The following FAM135A variants were observed in gnomAD, a reference collection of about 807,000 sequenced individuals.
FAM135A encodes family with sequence similarity 135 member A.
Under a neutral mutation model 146.8 loss-of-function variants are expected in FAM135A, and 79 were observed. That is an observed-to-expected ratio of 0.54 (90% CI 0.45 to 0.65). The LOEUF (loss-of-function observed/expected upper bound fraction) is 0.65, where lower values mean the gene tolerates loss of function less well. Ranked by LOEUF, FAM135A falls within the 30% of genes least tolerant of loss-of-function variation. The pLI, the probability that FAM135A is intolerant of heterozygous loss-of-function variation, is 0.00. For missense variants in FAM135A, 1,623 were observed against 1,758.2 expected (o/e 0.92, Z 1.38); for synonymous variants, 562 against 603.6 (o/e 0.93, Z 1.01).
In FAM135A at chr6:70,452,585, T is replaced by C; in HGVS notation, c.157+14T>C. 1 of 1,542,582 alleles carries C rather than the reference T, an allele frequency of 6.5e-7. No individual in the cohort carries two copies. The highest frequency in any genetic ancestry group is 8.7e-7 in the Non-Finnish European group (1 of 1,152,744). Reference sequence around the variant, plus strand: ...TGCATGCAACAGGTAAGCCAAAGAATACATTCAAATTTAAAAAGTAATCTG... The same window carrying C: ...TGCATGCAACAGGTAAGCCAAAGAACACATTCAAATTTAAAAAGTAATCTG... On this transcript the variant is annotated intron_variant, in intron 5 of 21. Transcript: ENST00000418814.
At chr6:70,452,956 AT>A (rs202117655) in intron 5 of FAM135A, among the ~76,000 whole-genome samples, 11 of 150,518 alleles carry the variant, frequency 7.3e-5, no homozygotes, top group East Asian at 1.9e-4. Flanking sequence ...TTTTAAACCA[AT>A]TTTTTTTTTC....
At chr6:70,536,113 T>C (rs1796748122) in intron 18 of FAM135A, 147 bp from the exon 19 acceptor site, 1 of 634,056 alleles carries the variant, frequency 1.6e-6, no homozygotes, top group South Asian at 2.7e-5. Flanking sequence ...CAAAATGTGG[T>C]ATATCATTTC....
intron 12 of FAM135A, among the ~76,000 whole-genome samples, chr6:70,521,315 A>T (rs1288544862): frequency 6.7e-6 from 1 of 148,742 alleles, no homozygotes; most frequent in Non-Finnish European, 1.5e-5. Context: ...TAACTTAAAG[A>T]TGCGTTTTTT....
intron 20 of FAM135A, among the ~76,000 whole-genome samples, chr6:70,542,545 GT>G (rs1183835491): frequency 6.6e-6 from 1 of 152,082 alleles, no homozygotes. Flanking sequence ...TACCTTTGGG[GT>G]TTTTTGAGAC....
At chr6:70,474,506 A>G (rs993861643) in intron 5 of FAM135A, among the ~76,000 whole-genome samples, 16 of 152,316 alleles carry the variant, frequency 1.1e-4, no homozygotes, top group African/African-American at 3.4e-4. Context: ...GGTTCCCATT[A>G]TTCCCTCATG....
At chr6:70,516,127 G>A (rs1174315762) in intron 12 of FAM135A, among the ~76,000 whole-genome samples, 1 of 152,104 alleles carries the variant, frequency 6.6e-6, no homozygotes, top group Non-Finnish European at 1.5e-5. Flanking sequence ...AGAAGGAAGA[G>A]GGTAAGTTCT....
intron 20 of FAM135A, among the ~76,000 whole-genome samples, chr6:70,542,378 C>T (rs1424953818): frequency 6.6e-6 from 1 of 151,962 alleles, no homozygotes; most frequent in Non-Finnish European, 1.5e-5. Flanking sequence ...TTTTGTATCA[C>T]CTCATGTGTT....
rs185534757 is a variant in FAM135A, at chr6:70,540,638, T to G, written c.4228+2237T>G. Reference sequence around the variant, plus strand: ...CCGCACCTGGCTAATTCCTGCTACATTTTCTTAAGTCTCCCTCCCGTTCAT... The same window carrying G: ...CCGCACCTGGCTAATTCCTGCTACAGTTTCTTAAGTCTCCCTCCCGTTCAT... On this transcript the variant is annotated intron_variant, in intron 20 of 21. Coordinates refer to ENST00000418814, the MANE Select transcript of FAM135A (RefSeq NM_001162529.3). 3.4e-4 allele frequency among the ~76,000 whole-genome samples: 52 copies of G among 152,304 alleles called. 1 individual carries two copies. Among genetic ancestry groups the G allele is most frequent in the Admixed American group, 3.4e-3 (52 of 15,306 alleles).
chr6:70,489,247 G>GT (rs1204629264), intron 10 of FAM135A, among the ~76,000 whole-genome samples: 1 of 152,084 alleles, frequency 6.6e-6, no homozygotes, highest in Non-Finnish European at 1.5e-5. Flanking sequence ...TCTGTTGCTG[G>GT]TTTTTTAGTT....
intron 4 of FAM135A, among the ~76,000 whole-genome samples, chr6:70,444,650 A>G (rs1417606770): frequency 6.6e-6 from 1 of 152,190 alleles, no homozygotes; most frequent in Non-Finnish European, 1.5e-5. Flanking sequence ...TTAAAAATGT[A>G]TTTACAGTGG....
chr6:70,452,341 G>T (rs1287856489), intron 4 of FAM135A, 151 bp from the exon 5 acceptor site: 3 of 599,580 alleles, frequency 5.0e-6, no homozygotes, highest in Non-Finnish European at 8.6e-6. Context: ...ATGTAAGCCT[G>T]ATTTTTTTTT....
intron 15 of FAM135A, among the ~76,000 whole-genome samples, chr6:70,527,473 A>C (rs1228283598): frequency 6.6e-6 from 1 of 152,158 alleles, no homozygotes; most frequent in Non-Finnish European, 1.5e-5. Flanking sequence ...AACAATAGCC[A>C]ATTAAAAAAT....
At chr6:70,516,021 G>C (rs34873840) in intron 12 of FAM135A, among the ~76,000 whole-genome samples, 64,929 of 151,910 alleles carry the variant, frequency 0.43, 15,087 homozygotes, top group African/African-American at 0.6. Context: ...CTCGATTGTA[G>C]ATTATATTTT....
intron 5 of FAM135A, among the ~76,000 whole-genome samples, chr6:70,457,680 A>G (rs1778628347): frequency 6.6e-6 from 1 of 152,178 alleles, no homozygotes; most frequent in Admixed American, 6.5e-5. Flanking sequence ...TTCATCAACT[A>G]AATACTGGTT....
At chr6:70,441,277 A>G (rs1774404162) in intron 4 of FAM135A, among the ~76,000 whole-genome samples, 1 of 151,996 alleles carries the variant, frequency 6.6e-6, no homozygotes, top group Non-Finnish European at 1.5e-5. Flanking sequence ...AATCCCAGCT[A>G]CTCAGGAGGC....
At chr6:70,433,122 T>A (rs796246810) in intron 4 of FAM135A, among the ~76,000 whole-genome samples, 39 of 151,954 alleles carry the variant, frequency 2.6e-4, no homozygotes, top group Middle Eastern at 3.4e-3. Flanking sequence ...TCGCCCAGGC[T>A]GGAGTGCGGT....
In FAM135A at chr6:70,525,739, T is replaced by G; in HGVS notation, c.2655T>G (p.Thr885=). ...GTTDLPKCDD[T]KKSSITLQQQ... ...CTGATTTGCCAAAATGTGATGATAC[T>G]AAAAAGTCAAGTATCACTTTGCAAC... Residue 885 remains threonine (T), a synonymous_variant, in exon 15 of 22, where the codon ACT becomes ACG. Coordinates refer to ENST00000418814, the MANE Select transcript of FAM135A (RefSeq NM_001162529.3). 1.2e-6 allele frequency: 2 copies of G among 1,613,308 alleles called. No homozygotes were observed. Among genetic ancestry groups the G allele is most frequent in the Non-Finnish European group, 1.7e-6 (2 of 1,179,606 alleles).
chr6:70,452,641 C>A, intron 5 of FAM135A, 70 bp downstream of exon 5: 1 of 1,135,850 alleles, frequency 8.8e-7, no homozygotes, highest in Non-Finnish European at 1.2e-6. Context: ...AAAGTTTTTT[C>A]ATTACAGATA....
intron 8 of FAM135A, among the ~76,000 whole-genome samples, chr6:70,478,023 A>G (rs1782959010): frequency 6.6e-6 from 1 of 152,084 alleles, no homozygotes; most frequent in Non-Finnish European, 1.5e-5. Flanking sequence ...AAAGTATGTG[A>G]ATTTTTTCTT....
Sources: gnomAD v4.1 joint callset for allele counts (sites outside exome capture counted in the v4.1 genomes callset) on GRCh38, gnomAD v4.1.1 for gene constraint, MANE v1.5 for transcripts, NCBI Gene and HGNC (gene_info 2026-07-23, HGNC 2026-07-21) for gene names.